The following IGFALS variants were observed in gnomAD, a reference collection of about 807,000 sequenced individuals.
IGFALS encodes the protein insulin-like growth factor-binding protein complex acid labile subunit.
A neutral mutation model predicts 2.6 loss-of-function variants in IGFALS; 2 were observed. The observed-to-expected ratio is 0.77, with a 90% CI of 0.32 to 2.44. The LOEUF is 2.44. Among genes scored for constraint, IGFALS ranks in the 30% most tolerant of loss-of-function variants. The pLI is 0.11. For missense variants in IGFALS, 996 were observed against 848.7 expected (o/e 1.17, Z -2.16); for synonymous variants, 519 against 431.9 (o/e 1.20, Z -2.50).
chr16:1,793,035 G>A (rs569514691), intron 1 of IGFALS, among the ~76,000 whole-genome samples: 1 of 152,298 alleles, frequency 6.6e-6, no homozygotes, highest in Admixed American at 6.5e-5. Context: ...CAGGACAAGG[G>A]GCCACAGGCC....
In IGFALS at chr16:1,791,092, G is replaced by A. The variant is rs1280239644; in HGVS notation, c.1326C>T (p.Thr442=). The part of the protein sequence containing the change: ...GLAELLELDL[T]SNQLTHLPHR... ...GGGGCAGGTGCGTGAGCTGGTTGGA[G>A]GTCAGGTCGAGCTCCAGCAGCTCCG... The change falls in exon 2 of 2, where the codon ACC becomes ACT. Residue 442 remains threonine (T), a synonymous_variant. Transcript: ENST00000215539. The A allele has an allele frequency of 6.2e-7, 1 of 1,600,150 alleles. No homozygotes were observed. Among genetic ancestry groups the A allele is most frequent in the Non-Finnish European group, 8.5e-7 (1 of 1,179,712 alleles).
At chr16:1,793,537 C>G (rs1424452333) in intron 1 of IGFALS, 100 bp downstream of exon 1, 1 of 1,203,004 alleles carries the variant, frequency 8.3e-7, no homozygotes, top group East Asian at 2.7e-5. Context: ...GCTGAGCCCC[C>G]CAGAGCTTCC....
chr16:1,793,902 C>A, upstream of IGFALS: 1 of 417,602 alleles, frequency 2.4e-6, no homozygotes, highest in Non-Finnish European at 4.3e-6. Flanking sequence ...GTAATGCGGC[C>A]CTGGGGGCTG....
rs769555225 is a variant in IGFALS, at chr16:1,791,855, G to A, written c.563C>T (p.Ala188Val). The A allele has an allele frequency of 2.6e-5, 41 of 1,554,618 alleles. No individual in the cohort carries two copies. Among genetic ancestry groups the A allele is most frequent in the African/African-American group, 1.8e-4 (13 of 73,532 alleles). Reference sequence around the variant, plus strand: ...CAGGCTGCCCAGGCCGCGGAACGCCGCATCGGGGAGCACCGCCAGGCTATT... The same window carrying A: ...CAGGCTGCCCAGGCCGCGGAACGCCACATCGGGGAGCACCGCCAGGCTATT... ...GWNSLAVLPD[A>V]AFRGLGSLRE... Residue 188 changes from alanine to valine, a missense_variant, in exon 2 of 2, where the codon GCG becomes GTG. Physicochemically the swap from Ala to Val is moderately conservative, Grantham distance 64. Transcript: ENST00000215539.
rs748147670 is a variant in IGFALS at position 1,792,037 on chromosome 16, C to G, written c.381G>C (p.Leu127=). ...TGCGCAGCTGGTTCCGCTCCAGGTG[C>G]AGGTGGCACAGGTTCTCTAGGCCCA... ...ALLGLENLCH[L]HLERNQLRSL... The change falls in exon 2 of 2, where the codon CTG becomes CTC. Residue 127 remains leucine, a synonymous_variant. Coordinates refer to ENST00000215539, the MANE Select transcript of IGFALS (RefSeq NM_004970.3). 1 of 1,610,544 alleles carries G rather than the reference C, an allele frequency of 6.2e-7. No homozygotes were observed. Among genetic ancestry groups the G allele is most frequent in the South Asian group, 1.1e-5 (1 of 90,834 alleles).
In IGFALS at chr16:1,793,617, G is replaced by A. The variant is rs1284081972; in HGVS notation, c.16+20C>T. The A allele has an allele frequency of 1.3e-5, 21 of 1,591,678 alleles. No homozygotes were observed. Among genetic ancestry groups the A allele is most frequent in the South Asian group, 4.5e-5 (4 of 88,182 alleles). On this transcript the variant is annotated intron_variant, in intron 1 of 1. Transcript: ENST00000215539. Reference sequence around the variant, plus strand: ...ACTGGCCACCCCTAGAGTGGGTGGCGGGGCACTCGGGGGCCTCACCTTTCC... The same window carrying A: ...ACTGGCCACCCCTAGAGTGGGTGGCAGGGCACTCGGGGGCCTCACCTTTCC...
chr16:1,790,456 G>T lies in IGFALS; in HGVS notation c.*144C>A, dbSNP rs377517158. ...GCCTTTAATTGATGACAGCTGGGGG[G>T]GCCGCCATGCCTTCCACCCCATCAG... On this transcript the variant is annotated 3_prime_UTR_variant, in exon 2 of 2. Coordinates refer to ENST00000215539, the MANE Select transcript of IGFALS (RefSeq NM_004970.3). The T allele has an allele frequency of 3.3e-5, 24 of 734,676 alleles. No individual in the cohort carries two copies. Among genetic ancestry groups the T allele is most frequent in the Middle Eastern group, 7.1e-4 (2 of 2,816 alleles). The allele number at this position is 734,676 out of a possible 1,614,324, so 45.5% of individuals were successfully genotyped here. A position where few individuals can be genotyped will look rare whatever the true frequency, so the allele number is the denominator to read the frequency against.
chr16:1,791,889 G>T lies in IGFALS; in HGVS notation c.529C>A (p.Leu177Ile), dbSNP rs367746186. 3.2e-5 allele frequency: 50 copies of T among 1,569,332 alleles called. No individual in the cohort carries two copies. The highest frequency in any genetic ancestry group is 4.1e-5 in the Non-Finnish European group (47 of 1,158,322). The change falls in exon 2 of 2, where the codon CTC (leucine) becomes ATC (isoleucine). Residue 177 changes from leucine (L) to isoleucine (I), a missense_variant. Physicochemically the swap from Leu to Ile is conservative, Grantham distance 5. Transcript: ENST00000215539. ...EGLGSLWDLN[L>I]GWNSLAVLPD... is the part of the protein sequence containing the mutation. ...AGCACCGCCAGGCTATTCCAGCCGA[G>T]GTTGAGGTCCCAGAGGCTGCCGAGG...
Position 1,791,529 on chromosome 16 carries a change from G to T in IGFALS, c.889C>A (p.Leu297Met). 1 of 1,594,120 alleles carries T rather than the reference G, an allele frequency of 6.3e-7. No homozygotes were observed. Among genetic ancestry groups the T allele is most frequent in the Non-Finnish European group, 8.5e-7 (1 of 1,171,668 alleles). The part of the protein sequence containing the change: ...PGLLGLRVLR[L>M]SHNAIASLRP... Reference sequence around the variant, plus strand: ...AGGCTGGCGATGGCGTTGTGGGACAGCCGCAGCACACGCAGGCCCAGCAGA... The same window carrying T: ...AGGCTGGCGATGGCGTTGTGGGACATCCGCAGCACACGCAGGCCCAGCAGA... The change falls in exon 2 of 2, where the codon CTG becomes ATG. Residue 297 changes from leucine (L) to methionine (M), a missense_variant. Physicochemically the swap from Leu to Met is conservative, Grantham distance 15 (BLOSUM62 2). Coordinates refer to ENST00000215539, the MANE Select transcript of IGFALS (RefSeq NM_004970.3).
chr16:1,791,602 G>A lies in IGFALS; in HGVS notation c.816C>T (p.Asp272=), dbSNP rs140199226. 1.9e-6 allele frequency: 3 copies of A among 1,565,084 alleles called. No homozygotes were observed. The highest frequency in any genetic ancestry group is 1.7e-6 in the Non-Finnish European group (2 of 1,156,696). Residue 272 remains aspartate, a synonymous_variant, in exon 2 of 2, where the codon GAC becomes GAT. Transcript: ENST00000215539. The part of the protein sequence containing the change: ...FLGLKALRWL[D]LSHNRVAGLL... ...GGCCAGCCACGCGGTTGTGGGACAG[G>A]TCCAGCCATCGCAGCGCCTTCAGGC...
rs1046877247 is a variant in IGFALS at position 1,791,573 on chromosome 16, A to G, written c.845T>C (p.Leu282Pro). ...DLSHNRVAGL[L>P]EDTFPGLLGL... The stretch of plus-strand genomic sequence containing the variant: ...CAGCAGACCGGGGAACGTGTCCTCC[A>G]GGAGGCCAGCCACGCGGTTGTGGGA... The change falls in exon 2 of 2, where the codon CTG (leucine) becomes CCG (proline). Residue 282 changes from leucine (L) to proline (P), a missense_variant. Physicochemically the swap from Leu to Pro is moderately conservative, Grantham distance 98. Transcript: ENST00000215539. 2 of 1,564,360 alleles carry G rather than the reference A, an allele frequency of 1.3e-6. No homozygotes were observed. The highest frequency in any genetic ancestry group is 2.7e-5 in the African/African-American group (2 of 73,536).
In IGFALS at chr16:1,791,824, C is replaced by T. The variant is rs761275276; in HGVS notation, c.594G>A (p.Glu198=). 3.2e-6 allele frequency: 5 copies of T among 1,548,978 alleles called. No homozygotes were observed. Among genetic ancestry groups the T allele is most frequent in the African/African-American group, 1.4e-5 (1 of 73,208 alleles). The change falls in exon 2 of 2, where the codon GAG becomes GAA. Residue 198 remains glutamate (E), a synonymous_variant. Transcript: ENST00000215539. ...CCAGCCTGTTGCCCGCCAGCACCAG[C>T]TCGCGCAGGCTGCCCAGGCCGCGGA... ...AAFRGLGSLR[E]LVLAGNRLAY... is the part of the protein sequence containing the mutation.
rs1418979427 is a variant in IGFALS, at chr16:1,790,616, T to C, written c.1802A>G (p.His601Arg). Residue 601 changes from histidine to arginine, a missense_variant, in exon 2 of 2, where the codon CAC becomes CGC. Transcript: ENST00000215539. ...GLDLRDLSEA[H>R]FAPC ...GGGACCTGGTCAGCAGGGAGCAAAG[T>C]GGGCCTCGCTGAGGTCCCGCAGGTC... 1 of 1,569,756 alleles carries C rather than the reference T, an allele frequency of 6.4e-7. No individual in the cohort carries two copies. Among genetic ancestry groups the C allele is most frequent in the Non-Finnish European group, 8.6e-7 (1 of 1,158,454 alleles).
chr16:1,794,854 C>G (rs1011985957), upstream of IGFALS: 5 of 702,178 alleles, frequency 7.1e-6, no homozygotes, highest in African/African-American at 7.0e-5. Flanking sequence ...AGGCCCCGTG[C>G]AGAGCTGTGG....
chr16:1,794,022 T>C (rs1273950178), upstream of IGFALS, among the ~76,000 whole-genome samples: 1 of 152,080 alleles, frequency 6.6e-6, no homozygotes, highest in Non-Finnish European at 1.5e-5. Flanking sequence ...TGAGGCCGGT[T>C]TGGGGAGCCC....
At position 1,791,907 on chromosome 16, in the gene IGFALS, T is replaced by C. The variant is rs1897236831; in HGVS notation, c.511A>G (p.Ser171Gly). 6.3e-7 allele frequency: 1 copy of C among 1,575,934 alleles called. No individual in the cohort carries two copies. Among genetic ancestry groups the C allele is most frequent in the Non-Finnish European group, 8.6e-7 (1 of 1,162,190 alleles). The change falls in exon 2 of 2, where the codon AGC (serine) becomes GGC (glycine). Residue 171 changes from serine to glycine, a missense_variant. Ser to Gly is a moderately conservative substitution (Grantham distance 56, BLOSUM62 0). Transcript: ENST00000215539. Reference sequence around the variant, plus strand: ...CAGCCGAGGTTGAGGTCCCAGAGGCTGCCGAGGCCCTCGAAGAGCCCGTCC... The same window carrying C: ...CAGCCGAGGTTGAGGTCCCAGAGGCCGCCGAGGCCCTCGAAGAGCCCGTCC... ...LEDGLFEGLG[S>G]LWDLNLGWNS... is the part of the protein sequence containing the mutation.
chr16:1,791,001 G>C lies in IGFALS; in HGVS notation c.1417C>G (p.Leu473Val). 1 of 1,597,956 alleles carries C rather than the reference G, an allele frequency of 6.3e-7. No individual in the cohort carries two copies. The highest frequency in any genetic ancestry group is 1.3e-5 in the African/African-American group (1 of 75,032). ...AGGGGGCCCAGGGCGTCCGCCGGCA[G>C]CTCTGCCAGGCGGTTGCGGGAGAGC... Reference protein sequence around the residue: ...LLLSRNRLAELPADALGPLQR... With the variant: ...LLLSRNRLAEVPADALGPLQR... The change falls in exon 2 of 2, where the codon CTG becomes GTG. Residue 473 changes from leucine to valine, a missense_variant. Leu to Val is a conservative substitution (Grantham distance 32). Coordinates refer to ENST00000215539, the MANE Select transcript of IGFALS (RefSeq NM_004970.3).
chr16:1,791,513 A>G lies in IGFALS; in HGVS notation c.905T>C (p.Ile302Thr), dbSNP rs935362884. 3 of 1,604,210 alleles carry G rather than the reference A, an allele frequency of 1.9e-6. No individual in the cohort carries two copies. Among genetic ancestry groups the G allele is most frequent in the African/African-American group, 2.7e-5 (2 of 74,696 alleles). The change falls in exon 2 of 2, where the codon ATC (isoleucine) becomes ACC (threonine). Residue 302 changes from isoleucine to threonine, a missense_variant. Coordinates refer to ENST00000215539, the MANE Select transcript of IGFALS (RefSeq NM_004970.3). ...GAAGGTGCGGGGCCGCAGGCTGGCG[A>G]TGGCGTTGTGGGACAGCCGCAGCAC... ...LRVLRLSHNAIASLRPRTFKD... is the reference protein window; with the variant it reads ...LRVLRLSHNATASLRPRTFKD...
rs765784345 is a variant in IGFALS, at chr16:1,790,850, G to A, written c.1568C>T (p.Pro523Leu). Residue 523 changes from proline (P) to leucine (L), a missense_variant, in exon 2 of 2, where the codon CCG (proline) becomes CTG (leucine). Physicochemically the swap from Pro to Leu is moderately conservative, Grantham distance 98. Transcript: ENST00000215539. Reference protein sequence around the residue: ...LRNNSLRTFTPQPPGLERLWL... With the variant: ...LRNNSLRTFTLQPPGLERLWL... ...CAGGCGCTCCAGGCCCGGGGGCTGC[G>A]GCGTGAAGGTCCGCAGTGAGTTGTT... 4.2e-5 allele frequency: 66 copies of A among 1,566,414 alleles called. No homozygotes were observed. Among genetic ancestry groups the A allele is most frequent in the Non-Finnish European group, 5.3e-5 (61 of 1,156,910 alleles).
Sources: allele counts gnomAD v4.1 joint callset (sites outside exome capture counted in the v4.1 genomes callset), GRCh38; gene constraint gnomAD v4.1.1; transcripts MANE v1.5; gene names NCBI Gene and HGNC (gene_info 2026-07-23, HGNC 2026-07-21).